Variants in GRIN3A observed in about 807,000 individuals in gnomAD.
The protein encoded by GRIN3A is glutamate ionotropic receptor NMDA type subunit 3A.
A neutral mutation model predicts 92.4 loss-of-function variants in GRIN3A; 47 were observed. The ratio of observed to expected loss-of-function variants is 0.51; its 90% CI spans 0.40 to 0.65. The LOEUF is 0.65. GRIN3A is among the 30% of genes least tolerant of loss of function. The pLI, the probability that GRIN3A is intolerant of heterozygous loss-of-function variation, is 0.00. For synonymous variants in GRIN3A, 527 were observed against 540.6 expected (o/e 0.97, Z 0.35); for missense variants, 1,324 against 1,393.1 (o/e 0.95, Z 0.79).
chr9:101,661,144 C>T (rs1404829841), intron 3 of GRIN3A, among the ~76,000 whole-genome samples: 2 of 151,830 alleles, frequency 1.3e-5, no homozygotes, highest in Non-Finnish European at 2.9e-5. Context: ...GAGTGGTACT[C>T]ATTGAGGTAC....
chr9:101,737,895 G>C lies in GRIN3A; in HGVS notation c.85C>G (p.Pro29Ala). Residue 29 changes from proline to alanine, a missense_variant, in exon 1 of 9, where the codon CCC (proline) becomes GCC (alanine). Coordinates refer to ENST00000361820, the MANE Select transcript of GRIN3A (RefSeq NM_133445.3). ...GGCTGCGGGTGCGAGGAGGAGCTGG[G>C]CACCCCGGCCAGCACCAGTGCGCAG... ...PPCALVLAGV[P>A]SSSSHPQPCQ... 6.5e-6 allele frequency: 10 copies of C among 1,534,698 alleles called. No individual in the cohort carries two copies. Among genetic ancestry groups the C allele is most frequent in the Non-Finnish European group, 8.7e-6 (10 of 1,146,852 alleles).
intron 3 of GRIN3A, among the ~76,000 whole-genome samples, chr9:101,643,482 A>G (rs1454016027): frequency 6.6e-6 from 1 of 152,092 alleles, no homozygotes; most frequent in Non-Finnish European, 1.5e-5. Flanking sequence ...ATTATGGGAA[A>G]CACCATGGAG....
intron 5 of GRIN3A, among the ~76,000 whole-genome samples, chr9:101,616,583 ATC>A (rs957318186): frequency 2.0e-5 from 3 of 151,980 alleles, no homozygotes; most frequent in Non-Finnish European, 2.9e-5. Context: ...GCGTTATTTC[ATC>A]TCTTTTATTG....
intron 6 of GRIN3A, among the ~76,000 whole-genome samples, chr9:101,589,869 CAA>C (rs1463996231): frequency 1.3e-5 from 2 of 152,062 alleles, no homozygotes; most frequent in Non-Finnish European, 2.9e-5. Context: ...ACTTCTGTGC[CAA>C]AGAGTGTAAC....
In GRIN3A at chr9:101,669,810, A is replaced by C. The variant is rs139157085; in HGVS notation, c.2352+250T>G. Among the ~76,000 whole-genome samples the C allele has an allele frequency of 5.1e-3, 776 of 152,222 alleles. 2 individuals are homozygous for C. Among genetic ancestry groups the C allele is most frequent in the Middle Eastern group, 0.01 (3 of 294 alleles). Reference sequence around the variant, plus strand: ...ATACAAGGAAAAGATGCATTAATAGATATTTCTATCAGAAAGACCTACTCT... The same window carrying C: ...ATACAAGGAAAAGATGCATTAATAGCTATTTCTATCAGAAAGACCTACTCT... On this transcript the variant is annotated intron_variant, in intron 3 of 8. Transcript: ENST00000361820.
Position 101,671,107 on chromosome 9 carries a change from C to T in GRIN3A, c.1305G>A (p.Arg435=), listed in dbSNP as rs1377592486. ...TNLTSGQYLS[R]FLANTTFRGL... ...CTCTGAAAGTGGTATTGGCTAGAAA[C>T]CTGGGAAAGAGGAGCAAAGGCAAAA... is the stretch of plus-strand genomic sequence containing the variant. The change falls in exon 3 of 9, where the codon AGG becomes AGA. Residue 435 remains arginine, a splice_region_variant and synonymous_variant. Transcript: ENST00000361820. 6.2e-7 allele frequency: 1 copy of T among 1,611,796 alleles called. No homozygotes were observed. Among genetic ancestry groups the T allele is most frequent in the African/African-American group, 1.3e-5 (1 of 74,818 alleles).
chr9:101,670,235 A>G lies in GRIN3A; in HGVS notation c.2177T>C (p.Leu726Pro). Residue 726 changes from leucine to proline, a missense_variant, in exon 3 of 9, where the codon CTC becomes CCC. Transcript: ENST00000361820. The part of the protein sequence containing the change: ...FSSALNICYA[L>P]LFGRTVAIKP... The stretch of plus-strand genomic sequence containing the variant: ...GATGGCCACTGTTCTGCCAAACAAG[A>G]GGGCATAACAGATGTTCAAGGCTGA... The G allele has an allele frequency of 6.2e-7, 1 of 1,614,066 alleles. No homozygotes were observed. The highest frequency in any genetic ancestry group is 1.3e-5 in the African/African-American group (1 of 75,048).
chr9:101,585,959 C>T (rs546864631), intron 6 of GRIN3A, among the ~76,000 whole-genome samples: 23 of 152,274 alleles, frequency 1.5e-4, no homozygotes, highest in Non-Finnish European at 3.2e-4. Context: ...TGACTTTGCT[C>T]AGCCATTTGG....
Position 101,738,294 on chromosome 9 carries a change from A to G in GRIN3A, c.-315T>C, listed in dbSNP as rs548546709. On this transcript the variant is annotated 5_prime_UTR_variant, in exon 1 of 9. Transcript: ENST00000361820. ...CCCGTTCCCTGCCCGCCCCATCTGCAGGGCGCCTCGGGCACTGCGTCCGGC... is the reference window on the plus strand; with the variant it reads ...CCCGTTCCCTGCCCGCCCCATCTGCGGGGCGCCTCGGGCACTGCGTCCGGC... 344 of 405,646 alleles carry G rather than the reference A, an allele frequency of 8.5e-4. 1 individual carries two copies. Among genetic ancestry groups the G allele is most frequent in the Non-Finnish European group, 1.3e-3 (288 of 223,606 alleles). 25.1% of individuals were successfully genotyped at this position (405,646 alleles called of 1,614,324 possible). A position where few individuals can be genotyped will look rare whatever the true frequency, so the allele number is the denominator to read the frequency against.
intron 3 of GRIN3A, among the ~76,000 whole-genome samples, chr9:101,657,151 G>A (rs933519088): frequency 6.6e-6 from 1 of 151,818 alleles, no homozygotes; most frequent in Admixed American, 6.6e-5. Context: ...ACTGTTGGGG[G>A]TACTTCCAGA....
rs980313795 is a variant in GRIN3A at position 101,596,671 on chromosome 9, T to G, written c.2766+16705A>C. 2.0e-5 allele frequency among the ~76,000 whole-genome samples: 3 copies of G among 152,208 alleles called. No individual in the cohort carries two copies. In the South Asian group the frequency reaches 6.2e-4, roughly 32 times the overall value. ...CTGGGGCTGGGAGCCTCTAGAATTG[T>G]GTTATTTCTCTCATCTTGTGTCTTT... On this transcript the variant is annotated intron_variant, in intron 6 of 8. Transcript: ENST00000361820.
chr9:101,590,979 G>A (rs997174810), intron 6 of GRIN3A, among the ~76,000 whole-genome samples: 1 of 152,148 alleles, frequency 6.6e-6, no homozygotes, highest in African/African-American at 2.4e-5. Flanking sequence ...AATTGAATTT[G>A]CTGAGGCCAT....
chr9:101,577,635 TTA>T (rs1266480193), intron 8 of GRIN3A, 131 bp downstream of exon 8: 6 of 736,786 alleles, frequency 8.1e-6, no homozygotes, highest in Non-Finnish European at 1.2e-5. Flanking sequence ...ATTTTTTATT[TTA>T]TGTTTTATTT....
chr9:101,686,637 C>G lies in GRIN3A; in HGVS notation c.1263G>C (p.Glu421Asp). Residue 421 changes from glutamate to aspartate, a missense_variant, in exon 2 of 9, where the codon GAG (glutamate) becomes GAC (aspartate). Coordinates refer to ENST00000361820, the MANE Select transcript of GRIN3A (RefSeq NM_133445.3). ...CTGAAGTGAGATTTGTAGTTTCCAC[C>G]TCCATGCAGTTCATCGTGCTGGGAA... ...ALIPSTMNCM[E>D]VETTNLTSGQ... 6.2e-7 allele frequency: 1 copy of G among 1,614,136 alleles called. No homozygotes were observed. Among genetic ancestry groups the G allele is most frequent in the Non-Finnish European group, 8.5e-7 (1 of 1,180,040 alleles).
intron 1 of GRIN3A, among the ~76,000 whole-genome samples, chr9:101,692,965 T>A (rs2118988094): frequency 1.3e-5 from 2 of 152,248 alleles, no homozygotes; most frequent in East Asian, 3.9e-4. Flanking sequence ...TACCTACTGA[T>A]GTCCCTAGTG....
intron 3 of GRIN3A, among the ~76,000 whole-genome samples, chr9:101,631,837 A>C (rs1828719873): frequency 6.6e-6 from 1 of 152,202 alleles, no homozygotes; most frequent in African/African-American, 2.4e-5. Flanking sequence ...AAACACTGCC[A>C]CTGCTCTTAT....
At chr9:101,621,701 G>A (rs1828557868) in intron 5 of GRIN3A, among the ~76,000 whole-genome samples, 1 of 152,162 alleles carries the variant, frequency 6.6e-6, no homozygotes, top group African/African-American at 2.4e-5. Flanking sequence ...GTGGCATCTG[G>A]CACTAGGGTC....
chr9:101,689,737 C>T (rs1829589615), intron 1 of GRIN3A, among the ~76,000 whole-genome samples: 1 of 136,922 alleles, frequency 7.3e-6, no homozygotes, highest in South Asian at 2.4e-4. Flanking sequence ...CATGCACACA[C>T]ACACATACAC....
intron 3 of GRIN3A, among the ~76,000 whole-genome samples, chr9:101,656,616 T>C (rs1829091763): frequency 6.6e-6 from 1 of 151,876 alleles, no homozygotes; most frequent in African/African-American, 2.4e-5. Context: ...TCTGGTTTAG[T>C]AGGTCTAGGG....
Sources: gnomAD v4.1 joint callset for allele counts (sites outside exome capture counted in the v4.1 genomes callset) on GRCh38, gnomAD v4.1.1 for gene constraint, MANE v1.5 for transcripts, NCBI Gene and HGNC (gene_info 2026-07-23, HGNC 2026-07-21) for gene names.